The following MBNL2 variants were observed in gnomAD, a reference collection of about 807,000 sequenced individuals.
MBNL2 encodes the protein muscleblind-like protein 2.
In MBNL2, 17 loss-of-function variants were observed where a neutral mutation model predicts 41.9. The ratio of observed to expected loss-of-function variants is 0.41; its 90% CI spans 0.28 to 0.61. The LOEUF is 0.61. MBNL2 is among the 20% of genes least tolerant of loss of function. The probability of loss-of-function intolerance (pLI) is 0.35; values close to 1 mark genes in which losing one functional copy is unlikely to be tolerated. For synonymous variants in MBNL2, 195 were observed against 182.9 expected (o/e 1.07, Z -0.53); for missense variants, 336 against 505.6 (o/e 0.66, Z 3.22).
upstream of MBNL2, among the ~76,000 whole-genome samples, chr13:97,216,999 C>T (rs1300857668): frequency 6.8e-6 from 1 of 147,728 alleles, no homozygotes; most frequent in Non-Finnish European, 1.5e-5. Context: ...ATACGTAATA[C>T]ATATTATAGA....
chr13:97,226,068 G>A lies in MBNL2; in HGVS notation c.-605+3537G>A, dbSNP rs139075464. 1.5e-4 allele frequency among the ~76,000 whole-genome samples: 23 copies of A among 151,716 alleles called. No homozygotes were observed. The East Asian group carries it at 1.9e-3, about 13-fold the overall frequency. On this transcript the variant is annotated intron_variant, in intron 1 of 8. Transcript: ENST00000679496. The stretch of plus-strand genomic sequence containing the variant: ...TGTGCACAAACTATTTGTTGCAGCC[G>A]TGATAATATTCGTAGTAAAGAGCCA...
chr13:97,252,204 T>A (rs1001743964), intron 1 of MBNL2, among the ~76,000 whole-genome samples: 1 of 152,218 alleles, frequency 6.6e-6, no homozygotes, highest in Non-Finnish European at 1.5e-5. Context: ...ATTAGTAAAT[T>A]TCATTGATTT....
chr13:97,170,223 G>C, the MBNL2 span, among the ~76,000 whole-genome samples: 2 of 152,196 alleles, frequency 1.3e-5, no homozygotes, highest in Non-Finnish European at 2.9e-5. Flanking sequence ...TATATGTAAA[G>C]CATGTGTATA....
the MBNL2 span, among the ~76,000 whole-genome samples, chr13:97,195,079 C>T: frequency 6.6e-6 from 1 of 152,112 alleles, no homozygotes; most frequent in Non-Finnish European, 1.5e-5. Flanking sequence ...GCCTCGAATT[C>T]TTTCTTGTGT....
At chr13:97,375,332 A>G (rs1372616288) in intron 8 of MBNL2, among the ~76,000 whole-genome samples, 1 of 152,218 alleles carries the variant, frequency 6.6e-6, no homozygotes, top group African/African-American at 2.4e-5. Flanking sequence ...TGCCTAGTCA[A>G]AGAGATCTGA....
intron 2 of MBNL2, 87 bp downstream of exon 2, chr13:97,276,496 A>G: frequency 7.7e-7 from 1 of 1,305,200 alleles, no homozygotes; most frequent in Non-Finnish European, 1.1e-6. Context: ...CAGAAGTTTA[A>G]AAATTGCTTT....
chr13:97,192,923 G>A, the MBNL2 span, among the ~76,000 whole-genome samples: 13 of 152,338 alleles, frequency 8.5e-5, no homozygotes, highest in East Asian at 5.8e-4. Context: ...AAAAATAGAC[G>A]TTAGTTTACA....
At chr13:97,215,050 A>G in the MBNL2 span, among the ~76,000 whole-genome samples, 2 of 152,220 alleles carry the variant, frequency 1.3e-5, no homozygotes, top group Admixed American at 1.3e-4. Flanking sequence ...AACATCTGCA[A>G]TCCTGGAGAA....
At chr13:97,280,119 C>T (rs2053053593) in intron 2 of MBNL2, among the ~76,000 whole-genome samples, 1 of 152,172 alleles carries the variant, frequency 6.6e-6, no homozygotes, top group South Asian at 2.1e-4. Context: ...AATCATTTCC[C>T]TTGGAGCAGA....
intron 2 of MBNL2, among the ~76,000 whole-genome samples, chr13:97,302,316 T>A (rs544911618): frequency 6.6e-6 from 1 of 152,290 alleles, no homozygotes; most frequent in African/African-American, 2.4e-5. Flanking sequence ...TAGTGGGTAA[T>A]GCTTTTTACA....
chr13:97,294,197 T>C (rs1192272188), intron 2 of MBNL2, among the ~76,000 whole-genome samples: 1 of 152,262 alleles, frequency 6.6e-6, no homozygotes, highest in Non-Finnish European at 1.5e-5. Context: ...CGCTTCTGTA[T>C]CTACCTTCCT....
chr13:97,230,767 A>ACT, intron 1 of MBNL2, among the ~76,000 whole-genome samples: 1 of 151,740 alleles, frequency 6.6e-6, no homozygotes, highest in Middle Eastern at 3.2e-3. Flanking sequence ...GGGTTGAACT[A>ACT]CTCTCCTGCA....
At chr13:97,164,606 C>CTGTA in the MBNL2 span, among the ~76,000 whole-genome samples, 4 of 151,984 alleles carry the variant, frequency 2.6e-5, no homozygotes, top group South Asian at 8.3e-4. Context: ...CACTATTGTG[C>CTGTA]TGTAGCCTAA....
intron 8 of MBNL2, among the ~76,000 whole-genome samples, chr13:97,389,576 C>T (rs947519911): frequency 2.0e-5 from 3 of 151,834 alleles, no homozygotes; most frequent in South Asian, 2.1e-4. Flanking sequence ...CATGGTGGTG[C>T]GTGGTTGTAG....
chr13:97,187,269 A>T, the MBNL2 span, among the ~76,000 whole-genome samples: 1 of 152,146 alleles, frequency 6.6e-6, no homozygotes, highest in Admixed American at 6.5e-5. Context: ...AAAAGAAGAG[A>T]TAAGTACAAA....
chr13:97,368,729 C>T (rs201098959), intron 8 of MBNL2, among the ~76,000 whole-genome samples: 4 of 103,788 alleles, frequency 3.9e-5, no homozygotes, highest in African/African-American at 1.1e-4. Context: ...TGTGTGTGTT[C>T]GTGTCTGTGT....
the MBNL2 span, among the ~76,000 whole-genome samples, chr13:97,210,508 T>C: frequency 2.0e-5 from 3 of 151,768 alleles, no homozygotes; most frequent in Admixed American, 2.0e-4. Context: ...ATTTTTCATA[T>C]TGATATATAC....
At chr13:97,344,065 C>A (rs2153083540) in intron 4 of MBNL2, among the ~76,000 whole-genome samples, 1 of 152,354 alleles carries the variant, frequency 6.6e-6, no homozygotes, top group South Asian at 2.1e-4. Flanking sequence ...CTCGGCCTCC[C>A]AAAGTGCTGG....
chr13:97,145,410 A>C, the MBNL2 span, among the ~76,000 whole-genome samples: 1 of 152,218 alleles, frequency 6.6e-6, no homozygotes, highest in East Asian at 1.9e-4. Context: ...GGAGAAAAGG[A>C]GGGAGCAAAA....
Sources: allele counts gnomAD v4.1 joint callset (sites outside exome capture counted in the v4.1 genomes callset), GRCh38; gene constraint gnomAD v4.1.1; transcripts MANE v1.5; gene names NCBI Gene and HGNC (gene_info 2026-07-23, HGNC 2026-07-21).